MLLT3: variants seen among roughly 807,000 people sequenced by gnomAD.
The protein encoded by MLLT3 is MLLT3 super elongation complex subunit, also known as protein AF-9.
MLLT3 carries 4 observed loss-of-function variants against 53.2 expected under a neutral mutation model. That is an observed-to-expected ratio of 0.08 (90% CI 0.04 to 0.17). MLLT3 has a LOEUF of 0.17. Among genes scored for constraint, MLLT3 ranks in the 10% least tolerant of loss-of-function variants. The pLI is 1.00. For synonymous variants in MLLT3, 283 were observed against 230.6 expected, an observed-to-expected ratio of 1.23 and a Z score of -2.06; for missense variants, 569 against 684.0, an observed-to-expected ratio of 0.83 and a Z score of 1.87.
intron 5 of MLLT3, 68 bp downstream of exon 5, chr9:20,413,653 A>G: frequency 1.5e-6 from 2 of 1,337,502 alleles, no homozygotes; most frequent in Non-Finnish European, 2.0e-6. Context: ...CTCATTCTTT[A>G]TTACAAAGCT....
chr9:20,539,601 T>G (rs749725797), intron 2 of MLLT3, among the ~76,000 whole-genome samples: 4 of 152,076 alleles, frequency 2.6e-5, no homozygotes, highest in African/African-American at 7.2e-5. Context: ...ATCACAGGAA[T>G]AACATGGGGG....
chr9:20,598,260 C>A (rs1253496809), intron 2 of MLLT3, among the ~76,000 whole-genome samples: 1 of 152,194 alleles, frequency 6.6e-6, no homozygotes, highest in Non-Finnish European at 1.5e-5. Context: ...TTACTGTGCT[C>A]ATCTTCAATC....
At chr9:20,461,057 T>C (rs1161585859) in intron 2 of MLLT3, among the ~76,000 whole-genome samples, 1 of 152,190 alleles carries the variant, frequency 6.6e-6, no homozygotes, top group African/African-American at 2.4e-5. Flanking sequence ...ACTACCCATG[T>C]ACTCCAAGAC....
chr9:20,475,874 T>G (rs572208027), intron 2 of MLLT3, among the ~76,000 whole-genome samples: 9 of 152,130 alleles, frequency 5.9e-5, no homozygotes, highest in Non-Finnish European at 1.3e-4. Context: ...GTAAAGCTAT[T>G]GGTCAGTGTG....
At position 20,343,183 on chromosome 9, in the gene MLLT3, C is replaced by CAAAA. The variant is rs71334526; in HGVS notation, c.*3256_*3259dup. 184 of 40,284 alleles carry CAAAA rather than the reference C, an allele frequency of 4.6e-3. 2 individuals carry two copies. The highest frequency in any genetic ancestry group is 6.4e-3 in the Non-Finnish European group (158 of 24,758). The allele number at this position is 40,284 out of a possible 1,614,324, so 2.5% of individuals were successfully genotyped here. On this transcript the variant is annotated 3_prime_UTR_variant, in exon 11 of 11. Transcript: ENST00000380338. ...TAGGTGGGCCTGTAAAAGATATCGG[C>CAAAA]AAAAAAAAAAAAAAAAAAAAAAAAA...
intron 2 of MLLT3, among the ~76,000 whole-genome samples, chr9:20,486,854 G>A (rs1824826939): frequency 1.3e-5 from 2 of 152,064 alleles, no homozygotes; most frequent in South Asian, 4.1e-4. Context: ...AAAAGCAAGG[G>A]ACATAAATTT....
At chr9:20,490,216 T>C (rs550213913) in intron 2 of MLLT3, among the ~76,000 whole-genome samples, 5 of 152,312 alleles carry the variant, frequency 3.3e-5, no homozygotes, top group Admixed American at 2.6e-4. Flanking sequence ...CTAGGTACTA[T>C]TGTGAAGGGA....
At chr9:20,417,230 T>C (rs1300859714) in intron 4 of MLLT3, among the ~76,000 whole-genome samples, 1 of 147,008 alleles carries the variant, frequency 6.8e-6, no homozygotes, top group Non-Finnish European at 1.5e-5. Flanking sequence ...TTGTCACCAG[T>C]CTCCATGTTT....
intron 2 of MLLT3, among the ~76,000 whole-genome samples, chr9:20,463,187 C>T (rs1339563183): frequency 6.6e-6 from 1 of 151,600 alleles, no homozygotes; most frequent in Non-Finnish European, 1.5e-5. Flanking sequence ...TTGCAAAAAT[C>T]TTAATGATGA....
At chr9:20,374,164 T>G (rs199986537) in intron 5 of MLLT3, among the ~76,000 whole-genome samples, 2 of 152,152 alleles carry the variant, frequency 1.3e-5, no homozygotes, top group Non-Finnish European at 2.9e-5. Flanking sequence ...AGGAAGATTG[T>G]TTGAAGCCAG....
At chr9:20,421,783 G>C (rs138206069) in intron 4 of MLLT3, among the ~76,000 whole-genome samples, 1 of 152,156 alleles carries the variant, frequency 6.6e-6, no homozygotes, top group East Asian at 1.9e-4. Context: ...CAGCAATTTA[G>C]AAACATGTCA....
At chr9:20,528,486 C>T (rs145950140) in intron 2 of MLLT3, among the ~76,000 whole-genome samples, 3 of 152,340 alleles carry the variant, frequency 2.0e-5, no homozygotes, top group African/African-American at 7.2e-5. Flanking sequence ...GTTCTGGAGG[C>T]GAGTAGCTCA....
chr9:20,610,411 C>A (rs1191340829), intron 2 of MLLT3, among the ~76,000 whole-genome samples: 8 of 152,162 alleles, frequency 5.3e-5, no homozygotes, highest in African/African-American at 1.9e-4. Context: ...TGATTCTCAG[C>A]AGACACAATG....
chr9:20,470,928 T>C lies in MLLT3; in HGVS notation c.194-14142A>G, dbSNP rs540398331. Among the ~76,000 whole-genome samples the C allele has an allele frequency of 2.2e-3, 336 of 152,138 alleles. 1 individual carries two copies. The highest frequency in any genetic ancestry group is 7.4e-3 in the African/African-American group (309 of 41,560). ...ACTTGCAACAAAAAGCAGTGAGACA[T>C]TTAAAGACAGCCAATTTCAAATAAT... On this transcript the variant is annotated intron_variant, in intron 2 of 10. Coordinates refer to ENST00000380338, the MANE Select transcript of MLLT3 (RefSeq NM_004529.4).
At chr9:20,559,414 G>C (rs1443871284) in intron 2 of MLLT3, among the ~76,000 whole-genome samples, 1 of 152,136 alleles carries the variant, frequency 6.6e-6, no homozygotes, top group East Asian at 1.9e-4. Context: ...CTGTTTTTGT[G>C]AAAGCAGAGG....
At chr9:20,592,413 T>G (rs74837066) in intron 2 of MLLT3, among the ~76,000 whole-genome samples, 4 of 152,150 alleles carry the variant, frequency 2.6e-5, no homozygotes, top group African/African-American at 9.7e-5. Flanking sequence ...CTGAGGCTTC[T>G]CCTTGGCTTA....
intron 2 of MLLT3, among the ~76,000 whole-genome samples, chr9:20,504,544 G>C (rs1825335699): frequency 6.6e-6 from 1 of 152,136 alleles, no homozygotes; most frequent in Non-Finnish European, 1.5e-5. Flanking sequence ...ATCTAAAAAA[G>C]CTGAACTCAT....
rs1316621937 is a variant in MLLT3 at position 20,505,555 on chromosome 9, G to A, written c.194-48769C>T. On this transcript the variant is annotated intron_variant, in intron 2 of 10. Transcript: ENST00000380338. ...AAAATAACAAGTGGGCAGAGGATAA[G>A]AATTCGAAGAGGTTAGCCTATAAGT... 6.6e-5 allele frequency among the ~76,000 whole-genome samples: 10 copies of A among 152,308 alleles called. No homozygotes were observed. The East Asian group carries it at 1.3e-3, about 21-fold the overall frequency.
intron 2 of MLLT3, among the ~76,000 whole-genome samples, chr9:20,486,696 T>C (rs1435529458): frequency 7.2e-5 from 11 of 152,330 alleles, no homozygotes; most frequent in Admixed American, 6.5e-4. Context: ...TTCCACTTAT[T>C]CTCCAAGGGC....
Sources: gnomAD v4.1 joint callset for allele counts (sites outside exome capture counted in the v4.1 genomes callset) on GRCh38, gnomAD v4.1.1 for gene constraint, MANE v1.5 for transcripts, NCBI Gene and HGNC (gene_info 2026-07-23, HGNC 2026-07-21) for gene names.